HERC4: variants seen among roughly 807,000 people sequenced by gnomAD.
HERC4 encodes probable E3 ubiquitin-protein ligase HERC4.
Under a neutral mutation model 124.3 loss-of-function variants are expected in HERC4, and 28 were observed. The observed-to-expected ratio is 0.23, with a 90% CI of 0.17 to 0.31. HERC4 has a LOEUF of 0.31. HERC4 is among the 10% of genes least tolerant of loss of function. HERC4 has a pLI of 1.00. For synonymous variants in HERC4, 407 were observed against 421.5 expected (o/e 0.97, Z 0.42); for missense variants, 713 against 1,229.3 (o/e 0.58, Z 6.28).
At chr10:68,018,900 C>CTTTTTT (rs34948748) in intron 8 of HERC4, among the ~76,000 whole-genome samples, 1 of 93,134 alleles carries the variant, frequency 1.1e-5, no homozygotes, top group Admixed American at 1.1e-4. Context: ...CCCCACAAGG[C>CTTTTTT]TTTTTTTTTT....
intron 23 of HERC4, among the ~76,000 whole-genome samples, chr10:67,927,424 ATATATATT>A (rs1413266564): frequency 7.1e-4 from 5 of 7,040 alleles, no homozygotes; most frequent in Middle Eastern, 0.045. Flanking sequence ...ATATATATAT[ATATATATT>A]TTTTTTTTTT....
chr10:67,922,040 A>C lies in HERC4; in HGVS notation c.*891T>G, dbSNP rs1049115909. Reference sequence around the variant, plus strand: ...CTCACTTTTACAATTTAATGGCATGAGACAACTAAGCATCAGCACCATAAA... The same window carrying C: ...CTCACTTTTACAATTTAATGGCATGCGACAACTAAGCATCAGCACCATAAA... On this transcript the variant is annotated 3_prime_UTR_variant, in exon 25 of 25. Coordinates refer to ENST00000373700, the MANE Select transcript of HERC4 (RefSeq NM_015601.4). The C allele has an allele frequency of 1.3e-5, 2 of 152,222 alleles. No homozygotes were observed. The highest frequency in any genetic ancestry group is 2.4e-5 in the African/African-American group (1 of 41,458). The allele number at this position is 152,222 out of a possible 1,614,324, so 9.4% of individuals were successfully genotyped here. A position where few individuals can be genotyped will look rare whatever the true frequency, so the allele number is the denominator to read the frequency against.
At position 68,059,633 on chromosome 10, in the gene HERC4, AATATTAT is replaced by A. The variant is rs1241272160; in HGVS notation, c.226+13243_226+13249del. Among the ~76,000 whole-genome samples the A allele has an allele frequency of 3.6e-5, 3 of 83,866 alleles. 1 individual carries two copies. Among genetic ancestry groups the A allele is most frequent in the Non-Finnish European group, 5.7e-5 (3 of 52,410 alleles). The allele number at this position is 83,866 out of a possible 152,430, so 55.0% of individuals were successfully genotyped here. The stretch of plus-strand genomic sequence containing the variant: ...TATATATCATAATATTATATATCAT[AATATTAT>A]ATATTATATTATATATCATATTATA... On this transcript the variant is annotated intron_variant, in intron 3 of 24. Transcript: ENST00000373700.
At chr10:67,968,664 C>T (rs1314598312) in intron 15 of HERC4, among the ~76,000 whole-genome samples, 2 of 151,980 alleles carry the variant, frequency 1.3e-5, no homozygotes, top group African/African-American at 2.4e-5. Flanking sequence ...TGTGAGCCAC[C>T]GCGCCTGGCC....
At position 68,059,920 on chromosome 10, in the gene HERC4, CATA is replaced by C. The variant is rs559424598; in HGVS notation, c.226+12960_226+12962del. Among the ~76,000 whole-genome samples the C allele has an allele frequency of 1.8e-3, 192 of 108,942 alleles. 9 individuals are homozygous for C. The highest frequency in any genetic ancestry group is 5.3e-3 in the East Asian group (21 of 3,988). 71.5% of individuals were successfully genotyped at this position (108,942 alleles called of 152,430 possible). A position where few individuals can be genotyped will look rare whatever the true frequency, so the allele number is the denominator to read the frequency against. On this transcript the variant is annotated intron_variant, in intron 3 of 24. Transcript: ENST00000373700. ...TTATATATTATATAATATTATATAT[CATA>C]ATATTATATATTATAATAATATTAT...
intron 9 of HERC4, among the ~76,000 whole-genome samples, chr10:68,006,918 C>G (rs2037603081): frequency 6.6e-6 from 1 of 152,036 alleles, no homozygotes; most frequent in South Asian, 2.1e-4. Flanking sequence ...TTATCCCTGA[C>G]CTTTGGGAGT....
chr10:67,961,080 A>C (rs1436152570), intron 16 of HERC4: 2 of 224,772 alleles, frequency 8.9e-6, no homozygotes, highest in African/African-American at 4.7e-5. Context: ...TGAAGCAAAT[A>C]ACCATTAGTG....
At chr10:67,975,658 C>A (rs766436032) in intron 15 of HERC4, among the ~76,000 whole-genome samples, 3 of 152,156 alleles carry the variant, frequency 2.0e-5, no homozygotes, top group Non-Finnish European at 4.4e-5. Context: ...CCGACACATG[C>A]ATTCTTAACT....
chr10:67,953,751 C>T (rs1405414923), intron 19 of HERC4, among the ~76,000 whole-genome samples: 1 of 152,112 alleles, frequency 6.6e-6, no homozygotes, highest in Admixed American at 6.5e-5. Flanking sequence ...GAATCCTTTC[C>T]TATGAATTGC....
intron 3 of HERC4, among the ~76,000 whole-genome samples, chr10:68,050,750 C>G (rs2040254363): frequency 6.6e-6 from 1 of 152,058 alleles, no homozygotes; most frequent in African/African-American, 2.4e-5. Context: ...AAAGTCATAT[C>G]AATGGTTTGT....
intron 19 of HERC4, among the ~76,000 whole-genome samples, chr10:67,947,837 C>T (rs1390076788): frequency 7.0e-6 from 1 of 142,186 alleles, no homozygotes; most frequent in Non-Finnish European, 1.5e-5. Context: ...AAACAATACA[C>T]TCTTTTTTTT....
intron 15 of HERC4, among the ~76,000 whole-genome samples, chr10:67,984,217 G>C (rs545321483): frequency 4.0e-5 from 6 of 151,098 alleles, no homozygotes; most frequent in South Asian, 2.1e-4. Context: ...GCAGAGAATT[G>C]CTTGAACCTA....
intron 15 of HERC4, among the ~76,000 whole-genome samples, chr10:67,979,180 T>G (rs1314333304): frequency 6.6e-6 from 1 of 151,948 alleles, no homozygotes; most frequent in Admixed American, 6.6e-5. Context: ...AAGAAACACA[T>G]GACCTTTCAG....
rs1046754528 is a variant in HERC4 at position 67,923,045 on chromosome 10, T to C, written c.3036A>G (p.Pro1012=). The C allele has an allele frequency of 3.1e-6, 5 of 1,613,474 alleles. No homozygotes were observed. In the African/African-American group the frequency reaches 6.7e-5, roughly 22 times the overall value. The change falls in exon 25 of 25, where the codon CCA becomes CCG. Residue 1012 remains proline (P), a synonymous_variant. Transcript: ENST00000373700. The part of the protein sequence containing the change: ...QSTGGGEEYL[P]VSHTCFNLLD... ...GAAGATTAAAACAAGTATGGGAAACTGGGAGATACTCCTCACCACCTCCTG... is the reference window on the plus strand; with the variant it reads ...GAAGATTAAAACAAGTATGGGAAACCGGGAGATACTCCTCACCACCTCCTG...
chr10:68,006,375 GTTT>G (rs772576805), intron 9 of HERC4, among the ~76,000 whole-genome samples: 2 of 134,026 alleles, frequency 1.5e-5, no homozygotes, highest in Non-Finnish European at 3.3e-5. Context: ...TTTTGTTTTT[GTTT>G]TTTTTTTTTT....
At chr10:68,039,523 G>C in intron 4 of HERC4, 1 of 1,549,468 alleles carries the variant, frequency 6.5e-7, no homozygotes, top group Middle Eastern at 1.7e-4. Flanking sequence ...GGAAAAAGGA[G>C]AGTTACTCTG....
intron 5 of HERC4, among the ~76,000 whole-genome samples, chr10:68,036,389 A>G (rs766948665): frequency 2.6e-5 from 4 of 152,154 alleles, no homozygotes; most frequent in Non-Finnish European, 4.4e-5. Context: ...AAACAAACAA[A>G]CAAAAAGGTC....
At chr10:67,971,498 A>G (rs919926236) in intron 15 of HERC4, among the ~76,000 whole-genome samples, 2 of 149,066 alleles carry the variant, frequency 1.3e-5, no homozygotes, top group Non-Finnish European at 2.9e-5. Flanking sequence ...ACTATCAATG[A>G]ATTTCACAAT....
At chr10:67,954,147 C>A (rs1317756526) in intron 19 of HERC4, 1 of 152,440 alleles carries the variant, frequency 6.6e-6, no homozygotes, top group African/African-American at 2.4e-5. Context: ...GCTATTGTAG[C>A]ATGAAAGTAG....
Sources: allele counts gnomAD v4.1 joint callset (sites outside exome capture counted in the v4.1 genomes callset), GRCh38; gene constraint gnomAD v4.1.1; transcripts MANE v1.5; gene names NCBI Gene and HGNC (gene_info 2026-07-23, HGNC 2026-07-21).